Variants in PRKX observed in about 807,000 individuals in gnomAD.
PRKX encodes cAMP-dependent protein kinase catalytic subunit PRKX.
PRKX carries 12 observed loss-of-function variants against 22.0 expected under a neutral mutation model. The observed-to-expected ratio is 0.54, with a 90% CI of 0.35 to 0.88. The LOEUF (loss-of-function observed/expected upper bound fraction) is 0.88. Among genes scored for constraint, PRKX ranks in the 40% least tolerant of loss-of-function variants. The pLI is 0.01. For synonymous variants in PRKX, 134 were observed against 137.7 expected (o/e 0.97, Z 0.19); for missense variants, 217 against 308.0 (o/e 0.70, Z 2.21).
chrX:3,700,415 C>G (rs1405406083), intron 1 of PRKX, among the ~76,000 whole-genome samples: 4 of 112,171 alleles, frequency 3.6e-5, no homozygotes, highest in African/African-American at 6.5e-5. Context: ...AAATCCTAAC[C>G]TATTTAAGGA....
intron 2 of PRKX, among the ~76,000 whole-genome samples, chrX:3,657,009 G>A (rs1257152173): frequency 9.0e-6 from 1 of 111,466 alleles, no homozygotes; most frequent in Non-Finnish European, 1.9e-5. Context: ...CCTGTTCAGC[G>A]GCTTCACCCT....
At chrX:3,689,824 A>C (rs769748428) in intron 1 of PRKX, among the ~76,000 whole-genome samples, 85 of 111,404 alleles carry the variant, frequency 7.6e-4, no homozygotes, top group African/African-American at 2.1e-3. Flanking sequence ...AAAAATACAA[A>C]AAATTAGCCG....
At chrX:3,697,626 G>C (rs1928470464) in intron 1 of PRKX, among the ~76,000 whole-genome samples, 1 of 109,275 alleles carries the variant, frequency 9.2e-6, no homozygotes, top group Non-Finnish European at 1.9e-5. Flanking sequence ...GCTCACTGCA[G>C]TTCCAACTTC....
intron 3 of PRKX, among the ~76,000 whole-genome samples, chrX:3,653,169 C>T (rs958206376): frequency 2.7e-5 from 3 of 111,055 alleles, no homozygotes; most frequent in African/African-American, 9.8e-5. Context: ...GGAGGTGGGG[C>T]CTTTGGGAGG....
At chrX:3,673,731 C>G (rs1452576306) in intron 2 of PRKX, among the ~76,000 whole-genome samples, 1 of 111,087 alleles carries the variant, frequency 9.0e-6, no homozygotes, top group Non-Finnish European at 1.9e-5. Flanking sequence ...TGGAATTACC[C>G]TGCTGGAATG....
rs1323248503 is a variant in PRKX at position 3,607,072 on chromosome X, T to C, written c.*1897A>G. The C allele has an allele frequency of 1.8e-5, 2 of 112,207 alleles. No homozygotes were observed. The highest frequency in any genetic ancestry group is 6.5e-5 in the African/African-American group (2 of 30,897). 9.2% of individuals were successfully genotyped at this position (112,207 alleles called of 1,213,427 possible). A position where few individuals can be genotyped will look rare whatever the true frequency, so the allele number is the denominator to read the frequency against. ...AACAGACAACCTAAAAATAGGCATA[T>C]GGACTCATGGATTTATGTACTTTTT... On this transcript the variant is annotated 3_prime_UTR_variant, in exon 9 of 9. Coordinates refer to ENST00000262848, the MANE Select transcript of PRKX (RefSeq NM_005044.5).
At chrX:3,622,389 C>T (rs1926576065) in intron 5 of PRKX, among the ~76,000 whole-genome samples, 1 of 110,629 alleles carries the variant, frequency 9.0e-6, no homozygotes, top group Non-Finnish European at 1.9e-5. Flanking sequence ...TCCCCCAAAA[C>T]AATCCAATAC....
chrX:3,629,528 G>A (rs1443911829), intron 4 of PRKX, among the ~76,000 whole-genome samples: 1 of 110,395 alleles, frequency 9.1e-6, no homozygotes, highest in Non-Finnish European at 1.9e-5. Flanking sequence ...AAAGTAATGG[G>A]ACTACAGATG....
Position 3,663,469 on chromosome X carries a change from A to ACACACACACACACAC in PRKX, c.336-8058_336-8057insGTGTGTGTGTGTGTG, listed in dbSNP as rs1569054438. Reference sequence around the variant, plus strand: ...ACACACACACACACACACACACACAAAAAAATTCAATTAGCTGGACATAGT... The same window carrying ACACACACACACACAC: ...ACACACACACACACACACACACACAACACACACACACACACAAAAATTCAATTAGCTGGACATAGT... On this transcript the variant is annotated intron_variant, in intron 2 of 8. Coordinates refer to ENST00000262848, the MANE Select transcript of PRKX (RefSeq NM_005044.5). Among the ~76,000 whole-genome samples, 399 of 52,820 alleles carry ACACACACACACACAC rather than the reference A, an allele frequency of 7.6e-3. 8 individuals carry two copies. Among genetic ancestry groups the ACACACACACACACAC allele is most frequent in the Non-Finnish European group, 0.011 (325 of 29,754 alleles). The allele number at this position is 52,820 out of a possible 115,157, so 45.9% of individuals were successfully genotyped here.
At chrX:3,653,450 T>C (rs1927380035) in intron 3 of PRKX, among the ~76,000 whole-genome samples, 1 of 108,543 alleles carries the variant, frequency 9.2e-6, no homozygotes, top group East Asian at 2.9e-4. Flanking sequence ...TGAGACGACA[T>C]GTAATGGTTT....
At chrX:3,662,512 G>A (rs1927617508) in intron 2 of PRKX, among the ~76,000 whole-genome samples, 1 of 109,298 alleles carries the variant, frequency 9.1e-6, no homozygotes, top group Non-Finnish European at 1.9e-5. Context: ...TGGCTAACAT[G>A]GTGAAACCCC....
intron 1 of PRKX, among the ~76,000 whole-genome samples, chrX:3,692,884 T>G (rs1383178102): frequency 9.0e-6 from 1 of 111,628 alleles, no homozygotes; most frequent in African/African-American, 3.3e-5. Flanking sequence ...TTCCTACCAC[T>G]GAGACACACT....
At chrX:3,663,309 G>C (rs1410113101) in intron 2 of PRKX, among the ~76,000 whole-genome samples, 2 of 108,357 alleles carry the variant, frequency 1.8e-5, no homozygotes, top group African/African-American at 6.7e-5. Context: ...ATTGGAAAGG[G>C]GCAAGGCATG....
Position 3,621,331 on chromosome X carries a change from G to GAA in PRKX, c.816-16_816-15insTT. On this transcript the variant is annotated splice_polypyrimidine_tract_variant and intron_variant, in intron 5 of 8. Transcript: ENST00000262848. Reference sequence around the variant, plus strand: ...TAATGAGGTCTCTATGTTGGGGAAGGAGACAAAAAAAAAAAAAGTACACAG... The same window carrying GAA: ...TAATGAGGTCTCTATGTTGGGGAAGGAAAGACAAAAAAAAAAAAAGTACACAG... 1 of 1,168,296 alleles carries GAA rather than the reference G, an allele frequency of 8.6e-7. No homozygotes were observed. Among genetic ancestry groups the GAA allele is most frequent in the Non-Finnish European group, 1.1e-6 (1 of 870,597 alleles).
At chrX:3,703,594 T>C (rs770399835) in intron 1 of PRKX, among the ~76,000 whole-genome samples, 22 of 110,259 alleles carry the variant, frequency 2.0e-4, no homozygotes, top group African/African-American at 7.2e-4. Flanking sequence ...GTCTCCTGGA[T>C]GCCTATTCTG....
At chrX:3,644,341 G>A (rs1927145676) in intron 3 of PRKX, among the ~76,000 whole-genome samples, 1 of 93,829 alleles carries the variant, frequency 1.1e-5, no homozygotes, top group Admixed American at 1.3e-4. Context: ...GGTCAACACT[G>A]CAGGGAGCAT....
chrX:3,661,773 G>A (rs1244532439), intron 2 of PRKX, among the ~76,000 whole-genome samples: 3 of 111,839 alleles, frequency 2.7e-5, no homozygotes, highest in Non-Finnish European at 5.6e-5. Flanking sequence ...GTGACCACAG[G>A]TGATTTCAAA....
intron 1 of PRKX, among the ~76,000 whole-genome samples, chrX:3,701,381 T>C (rs1228113726): frequency 8.9e-6 from 1 of 112,757 alleles, no homozygotes; most frequent in Non-Finnish European, 1.9e-5. Flanking sequence ...ACTAGGATTA[T>C]AGGCGTGAGC....
At chrX:3,670,287 A>G (rs767575733) in intron 2 of PRKX, 1 of 123,269 alleles carries the variant, frequency 8.1e-6, no homozygotes, top group Non-Finnish European at 1.9e-5. Context: ...GACACCCTCC[A>G]GCATCTTATC....
Sources: gnomAD v4.1 joint callset for allele counts (sites outside exome capture counted in the v4.1 genomes callset) on GRCh38, gnomAD v4.1.1 for gene constraint, MANE v1.5 for transcripts, NCBI Gene and HGNC (gene_info 2026-07-23, HGNC 2026-07-21) for gene names.